HIVEP3: variants seen among roughly 807,000 people sequenced by gnomAD.
HIVEP3 encodes HIVEP zinc finger 3.
HIVEP3 carries 49 observed loss-of-function variants against 152.8 expected under a neutral mutation model. The ratio of observed to expected loss-of-function variants is 0.32; its 90% CI spans 0.26 to 0.41. HIVEP3 has a LOEUF of 0.41. Among genes scored for constraint, HIVEP3 ranks in the 10% least tolerant of loss-of-function variants. HIVEP3 has a pLI of 1.00. For missense variants in HIVEP3, 2,790 were observed against 3,103.3 expected, an observed-to-expected ratio of 0.90 and a Z score of 2.40; for synonymous variants, 1,269 against 1,289.0, an observed-to-expected ratio of 0.98 and a Z score of 0.33.
chr1:41,984,237 G>A (rs1351156171), intron 1 of HIVEP3, among the ~76,000 whole-genome samples: 1 of 152,174 alleles, frequency 6.6e-6, no homozygotes, highest in Admixed American at 6.5e-5. Context: ...CTCCCAAAGT[G>A]CTGGGATTAT....
chr1:41,964,196 C>T (rs888125595), intron 1 of HIVEP3, among the ~76,000 whole-genome samples: 1 of 152,160 alleles, frequency 6.6e-6, no homozygotes, highest in African/African-American at 2.4e-5. Context: ...GTGAATCCTG[C>T]ACCTTCAGCT....
At chr1:41,986,499 G>C (rs1022120032) in intron 1 of HIVEP3, among the ~76,000 whole-genome samples, 7 of 148,716 alleles carry the variant, frequency 4.7e-5, no homozygotes, top group Non-Finnish European at 1.0e-4. Context: ...AGACTGCAGT[G>C]GCGCTATGTC....
In HIVEP3 at chr1:41,510,658, C is replaced by T. The variant is rs559361161; in HGVS notation, c.7014G>A (p.Pro2338=). 990 of 1,527,850 alleles carry T rather than the reference C, an allele frequency of 6.5e-4. 1 individual carries two copies. Among genetic ancestry groups the T allele is most frequent in the Non-Finnish European group, 8.1e-4 (922 of 1,135,902 alleles). The allele number at this position is 1,527,850 out of a possible 1,614,324, so 94.6% of individuals were successfully genotyped here. A position where few individuals can be genotyped will look rare whatever the true frequency, so the allele number is the denominator to read the frequency against. ...WSPRLESPRA[P]TNPEPSATPP... ...GGGTGGCAGAAGGCTCGGGGTTGGT[C>T]GGTGCACGCGGGGACTCCAAGCGGG... The change falls in exon 9 of 9, where the codon CCG becomes CCA. Residue 2338 remains proline (P), a synonymous_variant. Coordinates refer to ENST00000372583, the MANE Select transcript of HIVEP3 (RefSeq NM_024503.5).
Position 41,808,098 on chromosome 1 carries a change from C to T in HIVEP3, c.-800-107103G>A, listed in dbSNP as rs184439931. The stretch of plus-strand genomic sequence containing the variant: ...TCCTAAGCACTTCATAAACACTACC[C>T]CCATTTAATCTTCACAACAACCCTA... On this transcript the variant is annotated intron_variant, in intron 1 of 8. Coordinates refer to ENST00000372583, the MANE Select transcript of HIVEP3 (RefSeq NM_024503.5). Among the ~76,000 whole-genome samples, 6 of 152,308 alleles carry T rather than the reference C, an allele frequency of 3.9e-5. No homozygotes were observed. The East Asian group carries it at 1.2e-3, about 29-fold the overall frequency.
At chr1:41,899,667 C>T (rs547244471) in intron 1 of HIVEP3, among the ~76,000 whole-genome samples, 118 of 152,324 alleles carry the variant, frequency 7.7e-4, no homozygotes, top group African/African-American at 2.5e-3. Flanking sequence ...ATCCATTATA[C>T]ATCATTTAAT....
At chr1:41,792,093 A>G (rs1420732385) in intron 1 of HIVEP3, among the ~76,000 whole-genome samples, 1 of 152,078 alleles carries the variant, frequency 6.6e-6, no homozygotes, top group African/African-American at 2.4e-5. Context: ...ACCCTCTAAC[A>G]TGTCATCATT....
At chr1:41,609,237 C>T (rs1644864120) in intron 3 of HIVEP3, among the ~76,000 whole-genome samples, 1 of 152,222 alleles carries the variant, frequency 6.6e-6, no homozygotes, top group Admixed American at 6.5e-5. Flanking sequence ...CCATGCAGGG[C>T]ATCATCTCAG....
chr1:42,005,706 A>G (rs1180793522), intron 1 of HIVEP3, among the ~76,000 whole-genome samples: 1 of 152,226 alleles, frequency 6.6e-6, no homozygotes, highest in African/African-American at 2.4e-5. Context: ...ACTATGAATC[A>G]CTAGTGAAGA....
intron 1 of HIVEP3, among the ~76,000 whole-genome samples, chr1:42,021,994 T>A (rs1013079179): frequency 6.6e-6 from 1 of 152,198 alleles, no homozygotes; most frequent in African/African-American, 2.4e-5. Context: ...GGTGGCTTCA[T>A]CTTTGAACCA....
intron 3 of HIVEP3, among the ~76,000 whole-genome samples, chr1:41,612,461 T>C (rs891850159): frequency 2.6e-5 from 4 of 152,144 alleles, no homozygotes; most frequent in African/African-American, 4.8e-5. Flanking sequence ...GCAAACACAA[T>C]GTCTAACATA....
intron 1 of HIVEP3, among the ~76,000 whole-genome samples, chr1:41,882,915 G>T (rs1354919247): frequency 6.6e-6 from 1 of 152,112 alleles, no homozygotes; most frequent in Non-Finnish European, 1.5e-5. Flanking sequence ...AGGGTTAAAG[G>T]CAAATTTTTA....
Position 41,943,486 on chromosome 1 carries a change from C to T in HIVEP3, n.120-24962G>A, listed in dbSNP as rs147054627. On this transcript the variant is annotated intron_variant and non_coding_transcript_variant, in intron 1 of 3. Coordinates refer to the HIVEP3 transcript ENST00000489103. ...CCACTACCTACCTTGACTCCAAATT[C>T]CTGAGCCTGAATTCAATGATCTCTT... 5.7e-3 allele frequency among the ~76,000 whole-genome samples: 863 copies of T among 152,314 alleles called. 1 individual carries two copies. The highest frequency in any genetic ancestry group is 9.8e-3 in the Non-Finnish European group (667 of 68,026).
At chr1:41,811,645 T>C (rs538020564) in intron 1 of HIVEP3, among the ~76,000 whole-genome samples, 45 of 151,972 alleles carry the variant, frequency 3.0e-4, no homozygotes, top group South Asian at 1.5e-3. Flanking sequence ...GACACTGTCC[T>C]GAACCATCGT....
intron 3 of HIVEP3, among the ~76,000 whole-genome samples, chr1:41,600,270 T>G (rs1207459789): frequency 6.6e-6 from 1 of 152,224 alleles, no homozygotes; most frequent in Non-Finnish European, 1.5e-5. Context: ...TGTACATCTA[T>G]GTTCATAGCG....
chr1:41,514,432 G>A (rs1642542766), intron 7 of HIVEP3, among the ~76,000 whole-genome samples: 1 of 152,248 alleles, frequency 6.6e-6, no homozygotes, highest in East Asian at 1.9e-4. Flanking sequence ...TCCGTGGTCA[G>A]TGTACACACA....
intron 1 of HIVEP3, among the ~76,000 whole-genome samples, chr1:41,782,853 G>A (rs1031779128): frequency 5.3e-5 from 8 of 152,266 alleles, no homozygotes; most frequent in African/African-American, 1.7e-4. Context: ...GAGGAGTTAA[G>A]CAAGGAAAAT....
intron 1 of HIVEP3, among the ~76,000 whole-genome samples, chr1:41,857,602 CG>C (rs1158879946): frequency 6.6e-6 from 1 of 152,102 alleles, no homozygotes; most frequent in Non-Finnish European, 1.5e-5. Flanking sequence ...AGGAACTAGA[CG>C]GGAACTAATA....
Position 41,540,095 on chromosome 1 carries a change from G to A in HIVEP3, c.5208-15185C>T, listed in dbSNP as rs138152011. Reference sequence around the variant, plus strand: ...GTGTACTGTCAGAGGTGGGACCTGCGGAGCTGCAGCTGGAAGCCCCCCATT... The same window carrying A: ...GTGTACTGTCAGAGGTGGGACCTGCAGAGCTGCAGCTGGAAGCCCCCCATT... On this transcript the variant is annotated intron_variant, in intron 5 of 8. Transcript: ENST00000372583. Among the ~76,000 whole-genome samples, 15 of 152,318 alleles carry A rather than the reference G, an allele frequency of 9.8e-5. No homozygotes were observed. The East Asian group carries it at 2.9e-3, about 29-fold the overall frequency.
chr1:41,621,952 C>G (rs1275283485), intron 3 of HIVEP3, among the ~76,000 whole-genome samples: 1 of 152,248 alleles, frequency 6.6e-6, no homozygotes, highest in Non-Finnish European at 1.5e-5. Context: ...AGAATCTCCA[C>G]TTGACATCAG....
Sources: gnomAD v4.1 joint callset for allele counts (sites outside exome capture counted in the v4.1 genomes callset) on GRCh38, gnomAD v4.1.1 for gene constraint, MANE v1.5 for transcripts, NCBI Gene and HGNC (gene_info 2026-07-23, HGNC 2026-07-21) for gene names.